Variants in SOX5 observed in about 807,000 individuals in gnomAD.
SOX5 encodes the protein transcription factor SOX-5.
A neutral mutation model predicts 92.0 loss-of-function variants in SOX5; 9 were observed. The observed-to-expected ratio is 0.10, with a 90% confidence interval of 0.06 to 0.17. SOX5 has a LOEUF of 0.17. SOX5 is among the 10% of genes least tolerant of loss of function. The probability of loss-of-function intolerance (pLI) is 1.00; values close to 1 mark genes in which losing one functional copy is unlikely to be tolerated. For synonymous variants in SOX5, 344 were observed against 336.3 expected (o/e 1.02, Z -0.25); for missense variants, 642 against 944.5 (o/e 0.68, Z 4.20).
At chr12:23,958,638 C>G (rs903465138) in intron 4 of SOX5, among the ~76,000 whole-genome samples, 1 of 151,264 alleles carries the variant, frequency 6.6e-6, no homozygotes, top group African/African-American at 2.4e-5. Flanking sequence ...TAGGAATTGA[C>G]GCTAGGTTTC....
intron 2 of SOX5, among the ~76,000 whole-genome samples, chr12:24,349,450 C>A (rs895288167): frequency 6.6e-6 from 1 of 152,170 alleles, no homozygotes; most frequent in Non-Finnish European, 1.5e-5. Context: ...CCCTCCACCC[C>A]CTGGCAACCA....
intron 2 of SOX5, among the ~76,000 whole-genome samples, chr12:23,888,230 T>C (rs147392485): frequency 6.6e-6 from 1 of 152,330 alleles, no homozygotes; most frequent in Non-Finnish European, 1.5e-5. Context: ...CAGCACTCCC[T>C]ATTAAATGAA....
chr12:23,686,872 C>T (rs17472549), intron 6 of SOX5, among the ~76,000 whole-genome samples: 17,218 of 151,916 alleles, frequency 0.11, 1,287 homozygotes, highest in Middle Eastern at 0.17. Context: ...TGGTTCACTA[C>T]GTCCAGGTAC....
At position 24,378,518 on chromosome 12, in the gene SOX5, T is replaced by A. The variant is rs1369934426; in HGVS notation, c.-250-9879A>T. 2.6e-5 allele frequency among the ~76,000 whole-genome samples: 4 copies of A among 152,186 alleles called. 1 individual carries two copies. Among genetic ancestry groups the A allele is most frequent in the Admixed American group, 2.6e-4 (4 of 15,274 alleles). ...CATCACTTGCTCAAGGGATCTTAACTCATAAAGGAGGAGCACTGTATAGCT... is the reference window on the plus strand; with the variant it reads ...CATCACTTGCTCAAGGGATCTTAACACATAAAGGAGGAGCACTGTATAGCT... On this transcript the variant is annotated intron_variant, in intron 1 of 4. Transcript: ENST00000446891.
At chr12:24,070,816 T>C (rs1241470946) in intron 4 of SOX5, among the ~76,000 whole-genome samples, 2 of 152,166 alleles carry the variant, frequency 1.3e-5, no homozygotes, top group African/African-American at 4.8e-5. Flanking sequence ...CATCCTCGGA[T>C]TGAGATACAG....
intron 1 of SOX5, among the ~76,000 whole-genome samples, chr12:24,461,320 T>C (rs1434326927): frequency 6.6e-6 from 1 of 152,106 alleles, no homozygotes; most frequent in Non-Finnish European, 1.5e-5. Context: ...ATTTGGATGT[T>C]GCTAGTGATG....
chr12:23,698,166 G>GT (rs112647260), intron 6 of SOX5, among the ~76,000 whole-genome samples: 3 of 151,968 alleles, frequency 2.0e-5, no homozygotes, highest in Non-Finnish European at 2.9e-5. Context: ...TGTATAGATG[G>GT]TTTTTTTAAT....
intron 1 of SOX5, among the ~76,000 whole-genome samples, chr12:24,552,766 A>G (rs1207384666): frequency 6.6e-6 from 1 of 152,232 alleles, no homozygotes; most frequent in East Asian, 1.9e-4. Flanking sequence ...TTGGGAGGCC[A>G]AGGCAGGCAG....
At chr12:24,070,457 T>C (rs536395648) in intron 4 of SOX5, among the ~76,000 whole-genome samples, 2 of 152,278 alleles carry the variant, frequency 1.3e-5, no homozygotes, top group East Asian at 3.9e-4. Context: ...TCCTAAAATA[T>C]GGTGTGCCAA....
chr12:24,483,899 T>A, intron 1 of SOX5, among the ~76,000 whole-genome samples: 1 of 152,248 alleles, frequency 6.6e-6, no homozygotes, highest in East Asian at 1.9e-4. Flanking sequence ...TAAATTCTTT[T>A]AAAATTATTC....
intron 4 of SOX5, among the ~76,000 whole-genome samples, chr12:24,152,143 G>A (rs990213326): frequency 4.6e-5 from 7 of 152,026 alleles, no homozygotes; most frequent in African/African-American, 1.7e-4. Context: ...AAATTCTTTA[G>A]GCTTTCATTA....
intron 4 of SOX5, among the ~76,000 whole-genome samples, chr12:24,013,841 T>TTATACATCC (rs1229705745): frequency 2.0e-5 from 3 of 152,206 alleles, no homozygotes; most frequent in Non-Finnish European, 4.4e-5. Context: ...CTAAGACCAT[T>TTATACATCC]TATACATCCT....
intron 4 of SOX5, among the ~76,000 whole-genome samples, chr12:24,043,237 A>G (rs1956683389): frequency 6.6e-6 from 1 of 152,228 alleles, no homozygotes; most frequent in African/African-American, 2.4e-5. Flanking sequence ...CTGTCAACAG[A>G]AGACAAAGCA....
chr12:23,596,129 T>C (rs1019503179), intron 9 of SOX5, among the ~76,000 whole-genome samples: 1 of 152,158 alleles, frequency 6.6e-6, no homozygotes. Flanking sequence ...ATCAAACAAA[T>C]ACAACTTTTG....
chr12:24,135,743 T>C (rs1212657065), intron 4 of SOX5, among the ~76,000 whole-genome samples: 2 of 152,152 alleles, frequency 1.3e-5, no homozygotes, highest in Admixed American at 1.3e-4. Context: ...GCATATGGTC[T>C]GGACCTTCGG....
chr12:24,436,221 T>TTC, intron 1 of SOX5, among the ~76,000 whole-genome samples: 1 of 152,290 alleles, frequency 6.6e-6, no homozygotes, highest in South Asian at 2.1e-4. Flanking sequence ...CGATTCCGGA[T>TTC]AGTGAGGAAG....
At chr12:24,050,163 G>A (rs1027871572) in intron 4 of SOX5, among the ~76,000 whole-genome samples, 1 of 146,844 alleles carries the variant, frequency 6.8e-6, no homozygotes, top group East Asian at 2.1e-4. Flanking sequence ...CATTACAAAC[G>A]TCTTTGAGGT....
At chr12:24,465,274 C>T (rs963889850) in intron 1 of SOX5, among the ~76,000 whole-genome samples, 2 of 152,180 alleles carry the variant, frequency 1.3e-5, no homozygotes, top group Admixed American at 1.3e-4. Flanking sequence ...CATTCCTAAT[C>T]GTTACAATGT....
At chr12:23,692,622 G>A (rs898717168) in intron 6 of SOX5, among the ~76,000 whole-genome samples, 10 of 151,950 alleles carry the variant, frequency 6.6e-5, no homozygotes, top group East Asian at 5.8e-4. Flanking sequence ...AGAATATTTC[G>A]TTTCTAAATA....
Sources: allele counts gnomAD v4.1 joint callset (sites outside exome capture counted in the v4.1 genomes callset), GRCh38; gene constraint gnomAD v4.1.1; transcripts MANE v1.5; gene names NCBI Gene and HGNC (gene_info 2026-07-23, HGNC 2026-07-21).